EXOC4: variants seen among roughly 807,000 people sequenced by gnomAD.
EXOC4 encodes the protein SEC8-like 1.
In EXOC4, 71 loss-of-function variants were observed where a neutral mutation model predicts 107.2. That is an observed-to-expected ratio of 0.66 (90% CI 0.55 to 0.81). EXOC4 has a LOEUF of 0.81. Among genes scored for constraint, EXOC4 ranks in the 30% least tolerant of loss-of-function variants. The pLI, the probability that EXOC4 is intolerant of heterozygous loss-of-function variation, is 0.00. For synonymous variants in EXOC4, 456 were observed against 441.2 expected, an observed-to-expected ratio of 1.03 and a Z score of -0.42; for missense variants, 1,108 against 1,189.6, an observed-to-expected ratio of 0.93 and a Z score of 1.01.
chr7:133,855,128 AATAT>A (rs1160792457), intron 11 of EXOC4, among the ~76,000 whole-genome samples: 14 of 64,816 alleles, frequency 2.2e-4, no homozygotes, highest in African/African-American at 8.9e-4. Flanking sequence ...TATATATATA[AATAT>A]ATATATATAT....
rs559349731 is a variant in EXOC4, at chr7:133,423,778, C to T, written c.1182+48776C>T. Among the ~76,000 whole-genome samples, 118 of 152,100 alleles carry T rather than the reference C, an allele frequency of 7.8e-4. 1 individual carries two copies. Among genetic ancestry groups the T allele is most frequent in the African/African-American group, 2.6e-3 (109 of 41,492 alleles). On this transcript the variant is annotated intron_variant, in intron 7 of 17. Transcript: ENST00000253861. ...GGCGCGGGTAGGGGCCAGCGCTGCG[C>T]GCAGGCCTTGTGGCCGGCACGGGAT...
chr7:133,521,566 T>A (rs1584974944), intron 9 of EXOC4, among the ~76,000 whole-genome samples: 2 of 152,088 alleles, frequency 1.3e-5, no homozygotes, highest in East Asian at 3.9e-4. Context: ...CAGAGCAAAA[T>A]ATACTGTATT....
the EXOC4 span, among the ~76,000 whole-genome samples, chr7:134,087,573 G>T: frequency 1.3e-5 from 2 of 152,100 alleles, no homozygotes; most frequent in Non-Finnish European, 2.9e-5. Context: ...GGCAGCTGTT[G>T]GAAACAAGCT....
chr7:134,033,296 G>A (rs1795309772), intron 17 of EXOC4, among the ~76,000 whole-genome samples: 2 of 152,064 alleles, frequency 1.3e-5, no homozygotes, highest in South Asian at 4.2e-4. Flanking sequence ...CCAAAATGTT[G>A]GTATCCAGAA....
the EXOC4 span, among the ~76,000 whole-genome samples, chr7:134,096,925 A>G: frequency 1.3e-5 from 2 of 152,166 alleles, no homozygotes; most frequent in Middle Eastern, 6.8e-3. Context: ...TCTTCAATCA[A>G]GTTGACACTC....
intron 9 of EXOC4, among the ~76,000 whole-genome samples, chr7:133,495,167 G>T (rs1448698787): frequency 1.3e-5 from 2 of 151,680 alleles, no homozygotes; most frequent in Non-Finnish European, 2.9e-5. Flanking sequence ...CAGGAGAATC[G>T]CTTGAGGCTG....
At chr7:133,965,325 T>G (rs1230435956) in intron 14 of EXOC4, among the ~76,000 whole-genome samples, 1 of 152,216 alleles carries the variant, frequency 6.6e-6, no homozygotes, top group African/African-American at 2.4e-5. Context: ...CAGAAGCTCT[T>G]TAGTTTAATT....
At chr7:133,771,887 C>A (rs897734193) in intron 10 of EXOC4, among the ~76,000 whole-genome samples, 2 of 151,946 alleles carry the variant, frequency 1.3e-5, no homozygotes, top group South Asian at 4.1e-4. Context: ...AATAAGACAA[C>A]AAAATTCATT....
At chr7:133,377,343 G>C (rs1252445373) in intron 7 of EXOC4, among the ~76,000 whole-genome samples, 1 of 152,060 alleles carries the variant, frequency 6.6e-6, no homozygotes, top group African/African-American at 2.4e-5. Context: ...GACAGTGTGA[G>C]ACTCAATCTC....
intron 9 of EXOC4, among the ~76,000 whole-genome samples, chr7:133,521,867 C>T (rs1369264774): frequency 6.6e-6 from 1 of 152,138 alleles, no homozygotes; most frequent in African/African-American, 2.4e-5. Flanking sequence ...GATCCGCCTG[C>T]CTCGGTCTCC....
chr7:134,001,879 A>C (rs1794538269), intron 15 of EXOC4, among the ~76,000 whole-genome samples: 1 of 152,210 alleles, frequency 6.6e-6, no homozygotes. Context: ...AACATCCTGC[A>C]TTTATAGTCT....
At chr7:133,706,654 G>A (rs1260335867) in intron 10 of EXOC4, among the ~76,000 whole-genome samples, 4 of 152,070 alleles carry the variant, frequency 2.6e-5, no homozygotes, top group Non-Finnish European at 5.9e-5. Flanking sequence ...CATTTTTAAC[G>A]AGATATTTTA....
intron 5 of EXOC4, among the ~76,000 whole-genome samples, chr7:133,347,712 C>T (rs1271497394): frequency 2.0e-5 from 3 of 152,014 alleles, no homozygotes; most frequent in Admixed American, 2.0e-4. Context: ...ACATACATAC[C>T]AATATATCCA....
intron 9 of EXOC4, among the ~76,000 whole-genome samples, chr7:133,564,637 TA>T (rs1403244577): frequency 6.6e-6 from 1 of 152,170 alleles, no homozygotes; most frequent in Non-Finnish European, 1.5e-5. Flanking sequence ...AAACCTCTTT[TA>T]GTGATCAATT....
intron 5 of EXOC4, among the ~76,000 whole-genome samples, chr7:133,336,854 C>T (rs1795528463): frequency 6.6e-6 from 1 of 152,096 alleles, no homozygotes; most frequent in African/African-American, 2.4e-5. Flanking sequence ...CAGCCTCAGC[C>T]TCCAGAGTAG....
At chr7:133,310,423 C>A (rs1794845375) in intron 4 of EXOC4, among the ~76,000 whole-genome samples, 3 of 152,174 alleles carry the variant, frequency 2.0e-5, no homozygotes, top group African/African-American at 7.2e-5. Context: ...ACATTGTGTC[C>A]TTCAAGGTCC....
intron 5 of EXOC4, among the ~76,000 whole-genome samples, chr7:133,325,371 G>C (rs1246377320): frequency 1.3e-5 from 2 of 152,128 alleles, no homozygotes; most frequent in Admixed American, 6.5e-5. Flanking sequence ...TCCATGTTTA[G>C]TGCTTCCTTC....
chr7:133,672,473 CAT>C (rs1211865598), intron 10 of EXOC4, among the ~76,000 whole-genome samples: 2 of 151,228 alleles, frequency 1.3e-5, no homozygotes, highest in African/African-American at 2.4e-5. Context: ...TTTAAATAGT[CAT>C]ATGTGTGTAG....
At chr7:133,628,990 A>G (rs965331663) in intron 9 of EXOC4, among the ~76,000 whole-genome samples, 6 of 152,214 alleles carry the variant, frequency 3.9e-5, no homozygotes, top group Non-Finnish European at 8.8e-5. Context: ...GAAAACAAGG[A>G]CATTGAAAAC....
Sources: allele counts gnomAD v4.1 joint callset (sites outside exome capture counted in the v4.1 genomes callset), GRCh38; gene constraint gnomAD v4.1.1; transcripts MANE v1.5; gene names NCBI Gene and HGNC (gene_info 2026-07-23, HGNC 2026-07-21).